DKK2: variants seen among roughly 807,000 people sequenced by gnomAD.
DKK2 encodes dickkopf-related protein 2.
A neutral mutation model predicts 28.1 loss-of-function variants in DKK2; 11 were observed. The observed-to-expected ratio is 0.39, with a 90% CI of 0.25 to 0.65. DKK2 has a LOEUF of 0.65. Among genes scored for constraint, DKK2 ranks in the 30% least tolerant of loss-of-function variants. The pLI is 0.47. For missense variants in DKK2, 326 were observed against 335.5 expected, an observed-to-expected ratio of 0.97 and a Z score of 0.22; for synonymous variants, 135 against 126.5, an observed-to-expected ratio of 1.07 and a Z score of -0.45.
At chr4:106,988,573 T>G (rs1473665287) in intron 1 of DKK2, among the ~76,000 whole-genome samples, 1 of 152,150 alleles carries the variant, frequency 6.6e-6, no homozygotes, top group Non-Finnish European at 1.5e-5. Flanking sequence ...CAAATTAACG[T>G]GAGTTCAAGT....
rs1724391635 is a variant in DKK2, at chr4:106,924,189, G to C, written c.545C>G (p.Pro182Arg). The change falls in exon 4 of 4, where the codon CCC (proline) becomes CGC (arginine). Residue 182 changes from proline (P) to arginine (R), a missense_variant. Pro to Arg is a moderately radical substitution (Grantham distance 103). Coordinates refer to ENST00000285311, the MANE Select transcript of DKK2 (RefSeq NM_014421.3). ...MSHIKGHEGDPCLRSSDCIEG... is the reference protein window; with the variant it reads ...MSHIKGHEGDRCLRSSDCIEG... ...AATGCAGTCTGATGATCGTAGGCAG[G>C]GGTCTCCTTCATGCCCTGCAGAGAT... 3 of 1,613,802 alleles carry C rather than the reference G, an allele frequency of 1.9e-6. No homozygotes were observed. Among genetic ancestry groups the C allele is most frequent in the Non-Finnish European group, 2.5e-6 (3 of 1,179,894 alleles).
At chr4:106,926,097 G>C (rs1578344191) in intron 1 of DKK2, 148 bp from the exon 2 acceptor site, 9 of 823,868 alleles carry the variant, frequency 1.1e-5, no homozygotes, top group East Asian at 2.9e-5. Context: ...TCTGAACCTA[G>C]AGCCTAAGTA....
At chr4:107,020,551 T>A (rs1235174448) in intron 1 of DKK2, among the ~76,000 whole-genome samples, 2 of 152,086 alleles carry the variant, frequency 1.3e-5, no homozygotes, top group African/African-American at 2.4e-5. Context: ...TTGCATTTTT[T>A]AAAAAATAAC....
chr4:106,935,552 A>G (rs888582371), intron 1 of DKK2, among the ~76,000 whole-genome samples: 45 of 152,342 alleles, frequency 3.0e-4, no homozygotes, highest in Middle Eastern at 3.4e-3. Context: ...GGCGCCTGCC[A>G]TTGCCCAGGC....
chr4:106,944,810 G>A (rs1724753230), intron 1 of DKK2, among the ~76,000 whole-genome samples: 1 of 152,060 alleles, frequency 6.6e-6, no homozygotes, highest in Admixed American at 6.6e-5. Context: ...AGAGACCAGA[G>A]TAATTGGATT....
intron 1 of DKK2, among the ~76,000 whole-genome samples, chr4:107,023,091 T>A (rs1723720046): frequency 6.6e-6 from 1 of 152,164 alleles, no homozygotes; most frequent in Non-Finnish European, 1.5e-5. Context: ...ATTGATAGCT[T>A]ATAATCCTTG....
At position 107,027,460 on chromosome 4, in the gene DKK2, GA is replaced by G. The variant is rs71590175; in HGVS notation, c.222+7909del. Among the ~76,000 whole-genome samples the G allele has an allele frequency of 4.4e-3, 576 of 130,912 alleles. 3 individuals carry two copies. The highest frequency in any genetic ancestry group is 0.02 in the South Asian group (85 of 4,234). 85.9% of individuals were successfully genotyped at this position (130,912 alleles called of 152,430 possible). A position where few individuals can be genotyped will look rare whatever the true frequency, so the allele number is the denominator to read the frequency against. On this transcript the variant is annotated intron_variant, in intron 1 of 3. Coordinates refer to ENST00000285311, the MANE Select transcript of DKK2 (RefSeq NM_014421.3). ...CTAAATCGCCAAAAAATCTCAAAATGAAAAAAAAAAAAAGAAAGAAAATGAT... is the reference window on the plus strand; with the variant it reads ...CTAAATCGCCAAAAAATCTCAAAATGAAAAAAAAAAAAGAAAGAAAATGAT...
At chr4:106,958,785 C>A (rs1326423764) in intron 1 of DKK2, among the ~76,000 whole-genome samples, 1 of 142,602 alleles carries the variant, frequency 7.0e-6, no homozygotes, top group African/African-American at 2.6e-5. Context: ...TGCAGTGAGC[C>A]AAGATCGCGC....
At chr4:107,020,744 A>G (rs1723679725) in intron 1 of DKK2, among the ~76,000 whole-genome samples, 1 of 152,016 alleles carries the variant, frequency 6.6e-6, no homozygotes, top group African/African-American at 2.4e-5. Context: ...AACTCATTTT[A>G]AAAATAATTT....
At chr4:106,939,926 A>G (rs897938153) in intron 1 of DKK2, among the ~76,000 whole-genome samples, 22 of 152,352 alleles carry the variant, frequency 1.4e-4, no homozygotes, top group African/African-American at 5.1e-4. Flanking sequence ...CTGAAACTGG[A>G]TCCCTTCCTT....
At chr4:106,950,722 G>T (rs1724846416) in intron 1 of DKK2, among the ~76,000 whole-genome samples, 1 of 152,044 alleles carries the variant, frequency 6.6e-6, no homozygotes, top group African/African-American at 2.4e-5. Flanking sequence ...ATTATTTCTT[G>T]TAAAAGTTTA....
chr4:107,027,721 T>C (rs140710731), intron 1 of DKK2, among the ~76,000 whole-genome samples: 26 of 152,112 alleles, frequency 1.7e-4, no homozygotes, highest in African/African-American at 6.0e-4. Flanking sequence ...GTTAAACAAC[T>C]AATATTGACT....
rs76430358 is a variant in DKK2 at position 107,011,710 on chromosome 4, T to G, written c.222+23660A>C. Among the ~76,000 whole-genome samples, 1,137 of 151,460 alleles carry G rather than the reference T, an allele frequency of 7.5e-3. 7 individuals are homozygous for G. The highest frequency in any genetic ancestry group is 0.055 in the Middle Eastern group (16 of 292). Reference sequence around the variant, plus strand: ...GTCTGAGTGTGTGTGTGTGTGTGTGTGTGGGTGTGTATAATTTTATTTTGA... The same window carrying G: ...GTCTGAGTGTGTGTGTGTGTGTGTGGGTGGGTGTGTATAATTTTATTTTGA... On this transcript the variant is annotated intron_variant, in intron 1 of 3. Coordinates refer to ENST00000285311, the MANE Select transcript of DKK2 (RefSeq NM_014421.3).
chr4:106,943,684 A>G (rs182442727), intron 1 of DKK2, among the ~76,000 whole-genome samples: 4 of 152,252 alleles, frequency 2.6e-5, no homozygotes, highest in Admixed American at 6.6e-5. Context: ...TTCAAGTACT[A>G]TCATCAGTTC....
At chr4:106,932,952 G>T (rs115372876) in intron 1 of DKK2, among the ~76,000 whole-genome samples, 1 of 152,124 alleles carries the variant, frequency 6.6e-6, no homozygotes, top group Non-Finnish European at 1.5e-5. Flanking sequence ...TTGAGTGACC[G>T]TTAGCTAAAT....
At chr4:107,006,115 TAG>T (rs1343768931) in intron 1 of DKK2, among the ~76,000 whole-genome samples, 1 of 152,162 alleles carries the variant, frequency 6.6e-6, no homozygotes, top group Non-Finnish European at 1.5e-5. Context: ...ACCAAAGGTC[TAG>T]AAAGCAATCA....
At chr4:107,011,835 A>G (rs1017937910) in intron 1 of DKK2, among the ~76,000 whole-genome samples, 4 of 151,432 alleles carry the variant, frequency 2.6e-5, no homozygotes, top group Non-Finnish European at 4.4e-5. Flanking sequence ...CCATCAATAC[A>G]AATGTCAATA....
intron 1 of DKK2, among the ~76,000 whole-genome samples, chr4:106,940,302 A>G (rs1301349751): frequency 6.6e-6 from 1 of 152,234 alleles, no homozygotes; most frequent in Non-Finnish European, 1.5e-5. Context: ...GGCAAAGGAC[A>G]TGAACAGACA....
chr4:107,005,340 C>CAAAA (rs35333301), intron 1 of DKK2, among the ~76,000 whole-genome samples: 14 of 72,392 alleles, frequency 1.9e-4, no homozygotes, highest in African/African-American at 5.3e-4. Flanking sequence ...GACTTGGTCT[C>CAAAA]AAAAAAAAAA....
Sources: allele counts gnomAD v4.1 joint callset (sites outside exome capture counted in the v4.1 genomes callset), GRCh38; gene constraint gnomAD v4.1.1; transcripts MANE v1.5; gene names NCBI Gene and HGNC (gene_info 2026-07-23, HGNC 2026-07-21).